The following LRRC3B variants were observed in gnomAD, a reference collection of about 807,000 sequenced individuals.
The protein encoded by LRRC3B is leucine-rich repeat-containing protein 3B.
A neutral mutation model predicts 12.8 loss-of-function variants in LRRC3B; 2 were observed. The observed-to-expected ratio is 0.16, with a 90% CI of 0.06 to 0.49. The LOEUF is 0.49. Among genes scored for constraint, LRRC3B ranks in the 20% least tolerant of loss-of-function variants. The pLI is 0.96. For missense variants in LRRC3B, 189 were observed against 319.4 expected, an observed-to-expected ratio of 0.59 and a Z score of 3.11; for synonymous variants, 132 against 122.0, an observed-to-expected ratio of 1.08 and a Z score of -0.54.
intron 1 of LRRC3B, among the ~76,000 whole-genome samples, chr3:26,671,389 G>A (rs1248095071): frequency 1.8e-5 from 2 of 113,302 alleles, no homozygotes; most frequent in Non-Finnish European, 3.5e-5. Context: ...GAGAGAGAGA[G>A]AGAGAGAGAG....
chr3:26,678,150 A>C (rs919684563), intron 1 of LRRC3B, among the ~76,000 whole-genome samples: 1 of 152,084 alleles, frequency 6.6e-6, no homozygotes, highest in Non-Finnish European at 1.5e-5. Context: ...TTTTAGGTAC[A>C]TATGAAAGTC....
At chr3:26,640,624 G>T (rs1699010515) in intron 1 of LRRC3B, among the ~76,000 whole-genome samples, 4 of 152,132 alleles carry the variant, frequency 2.6e-5, no homozygotes, top group Admixed American at 2.0e-4. Context: ...TAAAATATGG[G>T]ACTGGGATAC....
chr3:26,678,154 G>A (rs1232321814), intron 1 of LRRC3B, among the ~76,000 whole-genome samples: 1 of 152,036 alleles, frequency 6.6e-6, no homozygotes, highest in Non-Finnish European at 1.5e-5. Flanking sequence ...AGGTACATAT[G>A]AAAGTCCAAG....
At chr3:26,658,324 C>T (rs1320835313) in intron 1 of LRRC3B, among the ~76,000 whole-genome samples, 4 of 152,136 alleles carry the variant, frequency 2.6e-5, no homozygotes, top group African/African-American at 9.7e-5. Flanking sequence ...TCCCAGAGTG[C>T]TGGGATTATA....
chr3:26,627,228 T>C (rs1162437360), intron 1 of LRRC3B, among the ~76,000 whole-genome samples: 1 of 152,182 alleles, frequency 6.6e-6, no homozygotes, highest in Non-Finnish European at 1.5e-5. Context: ...CTCATGTCTT[T>C]TCTCTGTAGC....
intron 1 of LRRC3B, among the ~76,000 whole-genome samples, chr3:26,628,116 G>A (rs144012044): frequency 7.2e-5 from 11 of 152,200 alleles, no homozygotes; most frequent in South Asian, 2.1e-4. Context: ...CACATGACAC[G>A]TCTGCTGGGG....
At chr3:26,646,757 T>C (rs998054785) in intron 1 of LRRC3B, among the ~76,000 whole-genome samples, 3 of 152,074 alleles carry the variant, frequency 2.0e-5, no homozygotes, top group Admixed American at 2.0e-4. Flanking sequence ...CTATTTCCCC[T>C]GTTTCCACCT....
At chr3:26,703,833 G>A (rs187536565) in intron 1 of LRRC3B, among the ~76,000 whole-genome samples, 9 of 151,834 alleles carry the variant, frequency 5.9e-5, no homozygotes, top group African/African-American at 2.2e-4. Context: ...ATTTGCCTTT[G>A]CCATCTTGGC....
chr3:26,703,755 C>T (rs1484403891), intron 1 of LRRC3B, among the ~76,000 whole-genome samples: 1 of 151,528 alleles, frequency 6.6e-6, no homozygotes. Context: ...GGTGTGGCCA[C>T]TGTCCGTTTG....
intron 1 of LRRC3B, among the ~76,000 whole-genome samples, chr3:26,691,105 GTATATATATATA>G (rs1553605090): frequency 8.3e-5 from 7 of 84,832 alleles, no homozygotes; most frequent in Non-Finnish European, 1.5e-4. Context: ...GTGTGTGTGT[GTATATATATATA>G]TATATATATA....
At chr3:26,644,961 C>T (rs1699111719) in intron 1 of LRRC3B, among the ~76,000 whole-genome samples, 1 of 152,056 alleles carries the variant, frequency 6.6e-6, no homozygotes, top group Admixed American at 6.6e-5. Flanking sequence ...CATATGAAAA[C>T]ATAGACCTGC....
Position 26,686,785 on chromosome 3 carries a change from G to A in LRRC3B, c.-160-22728G>A, listed in dbSNP as rs149008307. 4.6e-5 allele frequency among the ~76,000 whole-genome samples: 7 copies of A among 152,258 alleles called. No individual in the cohort carries two copies. In the East Asian group the frequency reaches 1.4e-3, roughly 29 times the overall value. ...TGAATGGGGTGGGAAGGAATGGCAA[G>A]AAGGAGAAGATAAGCTGTGATGCAG... On this transcript the variant is annotated intron_variant, in intron 1 of 1. Transcript: ENST00000396641.
chr3:26,628,281 A>C (rs12485568), intron 1 of LRRC3B, among the ~76,000 whole-genome samples: 16 of 151,816 alleles, frequency 1.1e-4, no homozygotes, highest in Admixed American at 6.6e-5. Flanking sequence ...ATGTTTATAC[A>C]ATACATAGTA....
intron 1 of LRRC3B, among the ~76,000 whole-genome samples, chr3:26,701,847 A>G (rs1266267580): frequency 6.6e-6 from 1 of 152,148 alleles, no homozygotes; most frequent in East Asian, 1.9e-4. Flanking sequence ...CAAGCTTTAT[A>G]TGGTAACTTA....
rs183177435 is a variant in LRRC3B at position 26,682,631 on chromosome 3, C to A, written c.-160-26882C>A. Among the ~76,000 whole-genome samples the A allele has an allele frequency of 1.1e-3, 174 of 152,282 alleles. 1 individual carries two copies. The Middle Eastern group carries it at 0.017, about 15-fold the overall frequency. ...GGCCAAGTGCCACCAGAAAGACAAT[C>A]CCCAGCCTGGAGAAAAACTAAATGC... is the stretch of plus-strand genomic sequence containing the variant. On this transcript the variant is annotated intron_variant, in intron 1 of 1. Transcript: ENST00000396641.
At chr3:26,649,634 GCTCCTT>G (rs1265951407) in intron 1 of LRRC3B, among the ~76,000 whole-genome samples, 1 of 152,106 alleles carries the variant, frequency 6.6e-6, no homozygotes, top group African/African-American at 2.4e-5. Context: ...CAAATTCACT[GCTCCTT>G]CTCCTTCTCC....
intron 1 of LRRC3B, among the ~76,000 whole-genome samples, chr3:26,655,097 T>C (rs762108334): frequency 1.3e-5 from 2 of 152,200 alleles, no homozygotes; most frequent in Non-Finnish European, 2.9e-5. Context: ...ACATTTATAT[T>C]GCTCTCTCAA....
At chr3:26,677,270 G>T (rs1199699910) in intron 1 of LRRC3B, among the ~76,000 whole-genome samples, 1 of 152,220 alleles carries the variant, frequency 6.6e-6, no homozygotes, top group Non-Finnish European at 1.5e-5. Context: ...GTGGGAATGT[G>T]AGGGGAGGGT....
chr3:26,640,807 G>A (rs542310934), intron 1 of LRRC3B, among the ~76,000 whole-genome samples: 1 of 152,264 alleles, frequency 6.6e-6, no homozygotes, highest in Admixed American at 6.5e-5. Context: ...TGGACTGTGA[G>A]CTGGCGAAAT....
Sources: allele counts gnomAD v4.1 joint callset (sites outside exome capture counted in the v4.1 genomes callset), GRCh38; gene constraint gnomAD v4.1.1; transcripts MANE v1.5; gene names NCBI Gene and HGNC (gene_info 2026-07-23, HGNC 2026-07-21).